Variants in PRKDC observed in about 807,000 individuals in gnomAD.
The protein encoded by PRKDC is protein kinase, DNA-activated, catalytic subunit, also known as DNA-dependent protein kinase catalytic subunit.
PRKDC carries 82 observed loss-of-function variants against 486.9 expected under a neutral mutation model. That is an observed-to-expected ratio of 0.17 (90% CI 0.14 to 0.20). The LOEUF (loss-of-function observed/expected upper bound fraction) is 0.20. Ranked by LOEUF, PRKDC falls within the 10% of genes least tolerant of loss-of-function variation. PRKDC has a pLI of 1.00. For synonymous variants in PRKDC, 1,895 were observed against 1,837.0 expected (o/e 1.03, Z -0.81); for missense variants, 4,504 against 5,038.2 (o/e 0.89, Z 3.21).
At chr8:47,914,096 C>A (rs1563800953) in intron 23 of PRKDC, 32 bp from the exon 24 acceptor site, 1 of 1,397,122 alleles carries the variant, frequency 7.2e-7, no homozygotes, top group South Asian at 2.0e-5. Flanking sequence ...GAATGAAACA[C>A]TTTTTTTCTT....
At chr8:47,797,326 C>T (rs191439391) in intron 73 of PRKDC, among the ~76,000 whole-genome samples, 1 of 152,228 alleles carries the variant, frequency 6.6e-6, no homozygotes, top group East Asian at 1.9e-4. Context: ...AAGTTATTTG[C>T]TCACTTATCT....
chr8:47,811,979 A>C (rs968465844), intron 68 of PRKDC, among the ~76,000 whole-genome samples: 2 of 152,004 alleles, frequency 1.3e-5, no homozygotes, highest in African/African-American at 4.8e-5. Flanking sequence ...TTCCATCACA[A>C]AAAAAAAGTA....
At chr8:47,920,166 CT>C (rs1197559914) in intron 21 of PRKDC, among the ~76,000 whole-genome samples, 5 of 152,192 alleles carry the variant, frequency 3.3e-5, no homozygotes, top group Admixed American at 2.0e-4. Context: ...GGGTAAATCT[CT>C]GTTCCTGGCT....
At position 47,828,237 on chromosome 8, in the gene PRKDC, C is replaced by A. The variant is rs758382134; in HGVS notation, c.8508G>T (p.Leu2836Phe). ...TAAGAAAACGATTGAAGTCTTGAAG[C>A]AACTTTTGAGTGATGTTGTTTTTTT... is the stretch of plus-strand genomic sequence containing the variant. ...LSEKNNITQK[L>F]LQDFNRFLNT... is the part of the protein sequence containing the mutation. Residue 2836 changes from leucine (L) to phenylalanine (F), a missense_variant, in exon 62 of 86, where the codon TTG becomes TTT. Around this residue, in one of 6 missense-constraint regions of PRKDC, gnomAD observed 1,592 missense variants for 1,724.6 expected, o/e 0.92. Transcript: ENST00000314191. The A allele has an allele frequency of 1.6e-5, 26 of 1,613,586 alleles. No individual in the cohort carries two copies. Among genetic ancestry groups the A allele is most frequent in the Non-Finnish European group, 2.1e-5 (25 of 1,179,700 alleles).
chr8:47,809,419 G>GGATC (rs1467517588), intron 68 of PRKDC, among the ~76,000 whole-genome samples: 1 of 152,068 alleles, frequency 6.6e-6, no homozygotes, highest in Non-Finnish European at 1.5e-5. Context: ...ATGAATGACT[G>GGATC]GATCCATAAA....
chr8:47,778,698 C>T (rs756794625), intron 82 of PRKDC, 30 bp downstream of exon 82: 18 of 1,613,314 alleles, frequency 1.1e-5, no homozygotes, highest in East Asian at 2.2e-5. Flanking sequence ...GCTGTGATCC[C>T]ACTAAGGGTG....
chr8:47,877,938 G>T, intron 39 of PRKDC, 87 bp from the exon 40 acceptor site: 1 of 968,168 alleles, frequency 1.0e-6, no homozygotes, highest in Non-Finnish European at 1.4e-6. Flanking sequence ...AATATAAAAA[G>T]TTTCTTATAT....
In PRKDC at chr8:47,952,806, A is replaced by C. The variant is rs187114475; in HGVS notation, c.721+814T>G. Among the ~76,000 whole-genome samples, 438 of 152,042 alleles carry C rather than the reference A, an allele frequency of 2.9e-3. 3 individuals carry two copies. Among genetic ancestry groups the C allele is most frequent in the African/African-American group, 0.01 (428 of 41,460 alleles). ...ATCACCAGAGCCCATGAGTTTGAGA[A>C]CAGCCTGGCCAACATGGTGAAACCC... On this transcript the variant is annotated intron_variant, in intron 7 of 85. Coordinates refer to ENST00000314191, the MANE Select transcript of PRKDC (RefSeq NM_006904.7).
Position 47,854,964 on chromosome 8 carries a change from C to T in PRKDC, c.6761+258G>A, listed in dbSNP as rs527552328. Among the ~76,000 whole-genome samples the T allele has an allele frequency of 8.5e-5, 13 of 152,316 alleles. No individual in the cohort carries two copies. In the South Asian group the frequency reaches 2.5e-3, roughly 29 times the overall value. On this transcript the variant is annotated intron_variant, in intron 50 of 85. Transcript: ENST00000314191. ...TACCTACCTCCCACCACCCTCTACC[C>T]CATGGGCCAACGGAAGGTAGTGCCC...
intron 65 of PRKDC, among the ~76,000 whole-genome samples, chr8:47,821,172 G>C (rs1294726722): frequency 6.6e-6 from 1 of 152,094 alleles, no homozygotes; most frequent in African/African-American, 2.4e-5. Flanking sequence ...CAAAAAATGG[G>C]AACTACTTTT....
At chr8:47,880,124 C>T (rs1013878456) in intron 38 of PRKDC, among the ~76,000 whole-genome samples, 1 of 152,202 alleles carries the variant, frequency 6.6e-6, no homozygotes, top group Non-Finnish European at 1.5e-5. Context: ...GTTGCGATTA[C>T]AGGCGTGAGC....
chr8:47,942,340 G>A (rs534706086), intron 10 of PRKDC, among the ~76,000 whole-genome samples: 1 of 152,360 alleles, frequency 6.6e-6, no homozygotes, highest in South Asian at 2.1e-4. Context: ...GGAAGGCCAA[G>A]TACAGCAGGG....
At position 47,820,701 on chromosome 8, in the gene PRKDC, T is replaced by C. The variant is rs1334093726; in HGVS notation, c.9336+18A>G. 2 of 1,289,582 alleles carry C rather than the reference T, an allele frequency of 1.6e-6. No homozygotes were observed. Among genetic ancestry groups the C allele is most frequent in the Admixed American group, 4.8e-5 (2 of 41,914 alleles). 79.9% of individuals were successfully genotyped at this position (1,289,582 alleles called of 1,614,324 possible). Reference sequence around the variant, plus strand: ...CACTATATATATACAAGCATATATATATAATATATAGTATTACCTGCATAA... The same window carrying C: ...CACTATATATATACAAGCATATATACATAATATATAGTATTACCTGCATAA... On this transcript the variant is annotated intron_variant, in intron 66 of 85. Transcript: ENST00000314191.
At chr8:47,926,364 TCA>T (rs2090156996) in intron 21 of PRKDC, among the ~76,000 whole-genome samples, 1 of 152,214 alleles carries the variant, frequency 6.6e-6, no homozygotes, top group South Asian at 2.1e-4. Flanking sequence ...ATGAAATCTG[TCA>T]CACAACTTTC....
intron 40 of PRKDC, among the ~76,000 whole-genome samples, chr8:47,876,498 C>G (rs1051001020): frequency 6.6e-6 from 1 of 151,970 alleles, no homozygotes; most frequent in African/African-American, 2.4e-5. Flanking sequence ...CCCGTCTCTA[C>G]TAAAAATACA....
Position 47,884,393 on chromosome 8 carries a change from A to T in PRKDC, c.4776+1551T>A, listed in dbSNP as rs551184400. Among the ~76,000 whole-genome samples, 319 of 152,004 alleles carry T rather than the reference A, an allele frequency of 2.1e-3. 3 individuals carry two copies. The highest frequency in any genetic ancestry group is 4.0e-3 in the Non-Finnish European group (275 of 67,964). On this transcript the variant is annotated intron_variant, in intron 36 of 85. Coordinates refer to ENST00000314191, the MANE Select transcript of PRKDC (RefSeq NM_006904.7). The stretch of plus-strand genomic sequence containing the variant: ...CTGCATCACCTCGCTGCTATCTCAA[A>T]CTCTGCATGCAGTCTGCCACACCTG...
chr8:47,802,479 CTT>C (rs547957995), intron 70 of PRKDC, among the ~76,000 whole-genome samples: 46 of 130,208 alleles, frequency 3.5e-4, no homozygotes, highest in Admixed American at 5.5e-4. Flanking sequence ...GAGGAAATGG[CTT>C]TTTTTTTTTT....
Position 47,953,877 on chromosome 8 carries a change from A to T in PRKDC, c.551T>A (p.Val184Asp). The T allele has an allele frequency of 6.4e-7, 1 of 1,564,222 alleles. No individual in the cohort carries two copies. The highest frequency in any genetic ancestry group is 8.7e-7 in the Non-Finnish European group (1 of 1,152,184). The stretch of plus-strand genomic sequence containing the variant: ...ATTATTTATCATCTCACTAGGATGA[A>T]CTTCACCCAATAATCCTAGGAGCTC... The part of the protein sequence containing the change: ...VYELLGLLGE[V>D]HPSEMINNAE... The change falls in exon 6 of 86, where the codon GTT becomes GAT. Residue 184 changes from valine (V) to aspartate (D), a missense_variant. Around this residue, in one of 6 missense-constraint regions of PRKDC, gnomAD observed 1,969 missense variants for 2,068.9 expected, o/e 0.95. Coordinates refer to ENST00000314191, the MANE Select transcript of PRKDC (RefSeq NM_006904.7).
At chr8:47,831,983 G>A (rs1589727924) in intron 59 of PRKDC, 57 bp from the exon 60 acceptor site, 2 of 1,492,850 alleles carry the variant, frequency 1.3e-6, no homozygotes, top group African/African-American at 1.4e-5. Context: ...TGGCTCTGCT[G>A]GTTCATTTTC....
Sources: allele counts gnomAD v4.1 joint callset (sites outside exome capture counted in the v4.1 genomes callset), GRCh38; gene constraint gnomAD v4.1.1; regional missense constraint gnomAD v4.1.1; transcripts MANE v1.5; gene names NCBI Gene and HGNC (gene_info 2026-07-23, HGNC 2026-07-21).